Variants in ACADL observed in about 807,000 individuals in gnomAD.
ACADL encodes the protein long-chain specific acyl-CoA dehydrogenase, mitochondrial.
ACADL carries 60 observed loss-of-function variants against 56.9 expected under a neutral mutation model. The observed-to-expected ratio is 1.05, with a 90% CI of 0.86 to 1.31. The LOEUF is 1.31. ACADL is among the 50% of genes most tolerant of loss of function. ACADL has a pLI of 0.00. For missense variants in ACADL, 484 were observed against 525.5 expected, an observed-to-expected ratio of 0.92 and a Z score of 0.77; for synonymous variants, 158 against 179.7, an observed-to-expected ratio of 0.88 and a Z score of 0.97.
At chr2:210,200,544 A>T (rs1174374601) in intron 8 of ACADL, among the ~76,000 whole-genome samples, 1 of 152,194 alleles carries the variant, frequency 6.6e-6, no homozygotes, top group African/African-American at 2.4e-5. Flanking sequence ...GAAAGGGAAT[A>T]TAAAGTATAA....
At chr2:210,225,073 A>G in intron 1 of ACADL, 114 bp downstream of exon 1, 1 of 1,507,936 alleles carries the variant, frequency 6.6e-7, no homozygotes, top group Non-Finnish European at 8.8e-7. Flanking sequence ...GGAGTTGGGG[A>G]GCACTCCCAG....
chr2:210,204,489 T>C, intron 7 of ACADL, 92 bp downstream of exon 7: 1 of 979,140 alleles, frequency 1.0e-6, no homozygotes, highest in Non-Finnish European at 1.6e-6. Flanking sequence ...ATGTATAAAT[T>C]TGAATGCATA....
intron 4 of ACADL, among the ~76,000 whole-genome samples, chr2:210,214,681 A>G (rs960354687): frequency 1.3e-5 from 2 of 152,208 alleles, no homozygotes; most frequent in Admixed American, 6.5e-5. Context: ...CATTTATTCT[A>G]TAGCCTCTTT....
At chr2:210,216,256 G>T in intron 4 of ACADL, 91 bp downstream of exon 4, 2 of 1,398,112 alleles carry the variant, frequency 1.4e-6, no homozygotes, top group Non-Finnish European at 2.0e-6. Flanking sequence ...CTTCCTCCTA[G>T]CATATAGCTC....
chr2:210,224,285 A>T, intron 1 of ACADL: 1 of 323,508 alleles, frequency 3.1e-6, no homozygotes, highest in Non-Finnish European at 4.4e-6. Context: ...TCCAAGGAAG[A>T]GTTAAGTATG....
rs941149513 is a variant in ACADL, at chr2:210,193,698, C to T, written c.1113-808G>A. Among the ~76,000 whole-genome samples, 12 of 152,014 alleles carry T rather than the reference C, an allele frequency of 7.9e-5. No individual in the cohort carries two copies. The East Asian group carries it at 2.1e-3, about 27-fold the overall frequency. On this transcript the variant is annotated intron_variant, in intron 9 of 10. Transcript: ENST00000233710. Reference sequence around the variant, plus strand: ...TGAGTCTGTTTTAGTGATGGAGTCTCACCCACTCTAGGGCCTAGGTTGGGA... The same window carrying T: ...TGAGTCTGTTTTAGTGATGGAGTCTTACCCACTCTAGGGCCTAGGTTGGGA...
intron 6 of ACADL, 132 bp downstream of exon 6, chr2:210,205,500 A>G (rs1393952572): frequency 2.4e-6 from 2 of 850,020 alleles, no homozygotes; most frequent in African/African-American, 1.7e-5. Flanking sequence ...TCATTACCAC[A>G]TCAGAAAAGC....
At chr2:210,216,623 T>TC (rs1689091351) in intron 3 of ACADL, 112 bp from the exon 4 acceptor site, 1 of 983,160 alleles carries the variant, frequency 1.0e-6, no homozygotes, top group South Asian at 1.4e-5. Flanking sequence ...GCCTATCTCA[T>TC]CACAAACCTA....
intron 1 of ACADL, chr2:210,224,550 T>A: frequency 2.0e-6 from 2 of 985,460 alleles, no homozygotes; most frequent in Non-Finnish European, 2.4e-6. Flanking sequence ...ACCTTAGTAG[T>A]CACTGAACTA....
intron 4 of ACADL, among the ~76,000 whole-genome samples, chr2:210,213,094 A>G (rs1214741818): frequency 6.6e-6 from 1 of 152,234 alleles, no homozygotes; most frequent in Non-Finnish European, 1.5e-5. Context: ...GACCTCCACT[A>G]TAAACAAGAG....
chr2:210,218,881 C>A (rs1575681799), intron 2 of ACADL, among the ~76,000 whole-genome samples: 1 of 152,192 alleles, frequency 6.6e-6, no homozygotes, highest in African/African-American at 2.4e-5. Context: ...AAGCACCTTA[C>A]ACCATGGCTC....
chr2:210,204,133 C>CT (rs1688845822), intron 7 of ACADL, among the ~76,000 whole-genome samples: 1 of 152,190 alleles, frequency 6.6e-6, no homozygotes, highest in South Asian at 2.1e-4. Flanking sequence ...GTCAACCATA[C>CT]TTTAAAACCA....
chr2:210,213,520 C>A (rs1313457209), intron 4 of ACADL, among the ~76,000 whole-genome samples: 2 of 151,902 alleles, frequency 1.3e-5, no homozygotes, highest in Non-Finnish European at 2.9e-5. Context: ...TTCTTCTATA[C>A]AGGGACATAT....
At chr2:210,202,110 A>T (rs769033205) in intron 8 of ACADL, among the ~76,000 whole-genome samples, 1 of 151,952 alleles carries the variant, frequency 6.6e-6, no homozygotes, top group Non-Finnish European at 1.5e-5. Context: ...TATTTTTGAG[A>T]TGGAGTCTTG....
At chr2:210,210,127 G>A in intron 5 of ACADL, 69 bp downstream of exon 5, 1 of 1,167,706 alleles carries the variant, frequency 8.6e-7, no homozygotes. Flanking sequence ...TTAATGAGTT[G>A]TCTTTGAGAC....
rs1575677654 is a variant in ACADL at position 210,210,219 on chromosome 2, C to T, written c.580G>A (p.Asp194Asn). 4 of 1,612,862 alleles carry T rather than the reference C, an allele frequency of 2.5e-6. No homozygotes were observed. The highest frequency in any genetic ancestry group is 4.5e-5 in the East Asian group (2 of 44,776). Residue 194 changes from aspartate (D) to asparagine (N), a missense_variant, in exon 5 of 11, where the codon GAC becomes AAC. Asp to Asn is a conservative substitution (Grantham distance 23). Coordinates refer to ENST00000233710, the MANE Select transcript of ACADL (RefSeq NM_001608.4). ...IKTNAKKDGS[D>N]WILNGSKVFI... Reference sequence around the variant, plus strand: ...ACCTTGCTTCCATTGAGAATCCAGTCACTTCCATCCTTTTTAGCATTTGTT... The same window carrying T: ...ACCTTGCTTCCATTGAGAATCCAGTTACTTCCATCCTTTTTAGCATTTGTT...
At chr2:210,214,509 A>AAGAAAGAAAGAAAGAG (rs1553690970) in intron 4 of ACADL, among the ~76,000 whole-genome samples, 279 of 18,926 alleles carry the variant, frequency 0.015, 1 homozygote, top group Middle Eastern at 0.038. Context: ...GAAAGAAAGA[A>AAGAAAGAAAGAAAGAG]AAAGAAAGAA....
rs1689250050 is a variant in ACADL at position 210,225,196 on chromosome 2, G to GGCAGCTGGCGCGGCGC, written c.52_67dup (p.Pro23ArgfsTer25). 6.5e-7 allele frequency: 1 copy of GGCAGCTGGCGCGGCGC among 1,535,696 alleles called. No individual in the cohort carries two copies. Reference sequence around the variant, plus strand: ...CCCGGCTGGCACTCACCGCGCGGCGGGCAGCTGGCGCGGCGCACGGTGGCC... The same window carrying GGCAGCTGGCGCGGCGC: ...CCCGGCTGGCACTCACCGCGCGGCGGGCAGCTGGCGCGGCGCGCAGCTGGCGCGGCGCACGGTGGCC... On this transcript the variant is annotated frameshift_variant, in exon 1 of 11. Transcript: ENST00000233710. LOFTEE classifies it high-confidence loss of function.
At position 210,205,687 on chromosome 2, in the gene ACADL, C is replaced by A; in HGVS notation, c.713G>T (p.Gly238Val). The change falls in exon 6 of 11, where the codon GGA becomes GTA. Residue 238 changes from glycine (G) to valine (V), a missense_variant. Physicochemically the swap from Gly to Val is moderately radical, Grantham distance 109. Transcript: ENST00000233710. ...TCGTCCCTTGATAAATCCTTTCATT[C>A]CATTTTCCACCAGAAAAAGGCTAAT... ...HGISLFLVEN[G>V]MKGFIKGRKL... The A allele has an allele frequency of 6.2e-7, 1 of 1,613,944 alleles. No individual in the cohort carries two copies. Among genetic ancestry groups the A allele is most frequent in the African/African-American group, 1.3e-5 (1 of 75,032 alleles).
Sources: gnomAD v4.1 joint callset for allele counts (sites outside exome capture counted in the v4.1 genomes callset) on GRCh38, gnomAD v4.1.1 for gene constraint, MANE v1.5 for transcripts, NCBI Gene and HGNC (gene_info 2026-07-23, HGNC 2026-07-21) for gene names.